Variants in TNNI3K observed in about 807,000 individuals in gnomAD.
The protein encoded by TNNI3K is TNNI3 interacting kinase, also known as serine/threonine-protein kinase TNNI3K.
A neutral mutation model predicts 114.5 loss-of-function variants in TNNI3K; 140 were observed. The ratio of observed to expected loss-of-function variants is 1.22; its 90% CI spans 1.07 to 1.41. The LOEUF (loss-of-function observed/expected upper bound fraction) is 1.41, where lower values mean the gene tolerates loss of function less well. Ranked by LOEUF, TNNI3K falls within the 40% of genes most tolerant of loss-of-function variation. The pLI is 0.00. For missense variants in TNNI3K, 1,125 were observed against 1,007.6 expected, an observed-to-expected ratio of 1.12 and a Z score of -1.58; for synonymous variants, 347 against 347.5, an observed-to-expected ratio of 1.00 and a Z score of 0.02.
At chr1:74,492,736 T>A (rs1669142164) in intron 23 of TNNI3K, among the ~76,000 whole-genome samples, 2 of 152,170 alleles carry the variant, frequency 1.3e-5, no homozygotes, top group African/African-American at 4.8e-5. Flanking sequence ...TAGAGCAATA[T>A]TTATAATAAC....
At chr1:74,239,748 C>T (rs1464571877) in intron 2 of TNNI3K, among the ~76,000 whole-genome samples, 1 of 152,152 alleles carries the variant, frequency 6.6e-6, no homozygotes, top group Non-Finnish European at 1.5e-5. Flanking sequence ...CACAATCTTC[C>T]TGGCATAGCT....
At position 74,321,009 on chromosome 1, in the gene TNNI3K, C is replaced by T. The variant is rs571281221; in HGVS notation, c.445-10441C>T. On this transcript the variant is annotated intron_variant, in intron 5 of 24. Transcript: ENST00000326637. The stretch of plus-strand genomic sequence containing the variant: ...AGAAGGAGGGAGTTTAACTTGTACT[C>T]CAGTTTCCAAGTTTGAGCAGTTGCA... 2.6e-5 allele frequency among the ~76,000 whole-genome samples: 4 copies of T among 152,254 alleles called. No individual in the cohort carries two copies. The South Asian group carries it at 8.3e-4, about 32-fold the overall frequency.
At chr1:74,497,612 A>T (rs534113506) in intron 23 of TNNI3K, among the ~76,000 whole-genome samples, 1 of 151,726 alleles carries the variant, frequency 6.6e-6, no homozygotes, top group African/African-American at 2.4e-5. Context: ...ATCTACACAC[A>T]CATACATTCC....
At chr1:74,507,093 T>C (rs1669942293) in intron 23 of TNNI3K, among the ~76,000 whole-genome samples, 1 of 152,216 alleles carries the variant, frequency 6.6e-6, no homozygotes, top group Non-Finnish European at 1.5e-5. Flanking sequence ...TATTACATAG[T>C]GTGCTGATCG....
chr1:74,268,130 T>A (rs1395392822), intron 4 of TNNI3K, among the ~76,000 whole-genome samples: 1 of 151,968 alleles, frequency 6.6e-6, no homozygotes, highest in Admixed American at 6.6e-5. Context: ...TGTGAATATT[T>A]CTCCAACTCG....
intron 4 of TNNI3K, among the ~76,000 whole-genome samples, chr1:74,266,175 A>G (rs1383099662): frequency 6.6e-6 from 1 of 151,980 alleles, no homozygotes; most frequent in Non-Finnish European, 1.5e-5. Flanking sequence ...ATGTGAATGA[A>G]TGGGTTTATT....
chr1:74,480,040 T>C, intron 21 of TNNI3K: 1 of 612,102 alleles, frequency 1.6e-6, no homozygotes, highest in South Asian at 2.0e-5. Flanking sequence ...ACTGGCAACC[T>C]CTCCTTTCCA....
chr1:74,239,432 CTAAA>C (rs1369592859), intron 2 of TNNI3K, among the ~76,000 whole-genome samples: 2 of 151,970 alleles, frequency 1.3e-5, no homozygotes, highest in Non-Finnish European at 2.9e-5. Flanking sequence ...ATTATAGGTG[CTAAA>C]TAAATGTTAG....
At chr1:74,464,707 C>G (rs747821271) in intron 21 of TNNI3K, 10 of 1,591,160 alleles carry the variant, frequency 6.3e-6, no homozygotes. Flanking sequence ...AAATGAAGAT[C>G]GTTTTGGGAT....
intron 5 of TNNI3K, among the ~76,000 whole-genome samples, chr1:74,285,381 A>G (rs1657264839): frequency 2.0e-5 from 3 of 152,038 alleles, no homozygotes; most frequent in Non-Finnish European, 1.5e-5. Flanking sequence ...ACTGCTACCC[A>G]TTTGTATGCC....
chr1:74,513,938 A>G (rs1178348960), intron 23 of TNNI3K, among the ~76,000 whole-genome samples: 1 of 152,176 alleles, frequency 6.6e-6, no homozygotes, highest in Non-Finnish European at 1.5e-5. Context: ...TTTTCTATAG[A>G]CTAAGGGGAG....
chr1:74,421,258 C>G (rs187855477), intron 17 of TNNI3K, among the ~76,000 whole-genome samples: 1 of 152,202 alleles, frequency 6.6e-6, no homozygotes, highest in East Asian at 1.9e-4. Flanking sequence ...TTACTGACTT[C>G]TAATTGCGAA....
At chr1:74,366,137 C>T (rs1297362524) in intron 11 of TNNI3K, among the ~76,000 whole-genome samples, 1 of 151,942 alleles carries the variant, frequency 6.6e-6, no homozygotes, top group African/African-American at 2.4e-5. Flanking sequence ...TAGATGTATG[C>T]TTAACCCATG....
At chr1:74,480,622 AT>A (rs2100254900) in intron 21 of TNNI3K, 2 of 717,268 alleles carry the variant, frequency 2.8e-6, no homozygotes, top group East Asian at 5.4e-5. Flanking sequence ...TGTCTGTGAG[AT>A]TAGTAATCTG....
intron 17 of TNNI3K, among the ~76,000 whole-genome samples, chr1:74,386,277 T>C (rs568142920): frequency 1.2e-4 from 19 of 152,186 alleles, no homozygotes; most frequent in Middle Eastern, 3.4e-3. Flanking sequence ...AACTGGTAGA[T>C]TGAAGACTTC....
chr1:74,264,900 A>C (rs1404868220), intron 4 of TNNI3K, among the ~76,000 whole-genome samples: 2 of 152,020 alleles, frequency 1.3e-5, no homozygotes, highest in East Asian at 3.9e-4. Context: ...TTGCACATAC[A>C]TTATTTCATT....
intron 21 of TNNI3K, chr1:74,475,681 G>C: frequency 1.4e-6 from 1 of 715,140 alleles, no homozygotes. Flanking sequence ...GTAATTTCTT[G>C]CCTCATGAGC....
At chr1:74,354,591 T>A (rs962383440) in intron 11 of TNNI3K, among the ~76,000 whole-genome samples, 2 of 152,140 alleles carry the variant, frequency 1.3e-5, no homozygotes, top group Non-Finnish European at 2.9e-5. Flanking sequence ...CTTATTTGAA[T>A]ATAAACTTAT....
At chr1:74,370,523 A>C in intron 17 of TNNI3K, 131 bp downstream of exon 17, 1 of 633,030 alleles carries the variant, frequency 1.6e-6, no homozygotes, top group South Asian at 4.1e-5. Flanking sequence ...AGGCTACCAT[A>C]AGCTTAGGCG....
Sources: allele counts gnomAD v4.1 joint callset (sites outside exome capture counted in the v4.1 genomes callset), GRCh38; gene constraint gnomAD v4.1.1; transcripts MANE v1.5; gene names NCBI Gene and HGNC (gene_info 2026-07-23, HGNC 2026-07-21).